ELMO1: variants seen among roughly 807,000 people sequenced by gnomAD.
The protein encoded by ELMO1 is engulfment and cell motility 1, also known as engulfment and cell motility protein 1.
A neutral mutation model predicts 98.9 loss-of-function variants in ELMO1; 26 were observed. That is an observed-to-expected ratio of 0.26 (90% CI 0.19 to 0.36). The LOEUF is 0.36. Ranked by LOEUF, ELMO1 falls within the 10% of genes least tolerant of loss-of-function variation. The pLI is 1.00. For missense variants in ELMO1, 627 were observed against 935.2 expected (o/e 0.67, Z 4.30); for synonymous variants, 346 against 346.0 (o/e 1.00, Z 0.00).
At chr7:37,181,896 T>C (rs1790884611) in intron 13 of ELMO1, among the ~76,000 whole-genome samples, 2 of 152,206 alleles carry the variant, frequency 1.3e-5, no homozygotes, top group Non-Finnish European at 2.9e-5. Flanking sequence ...AAATAGTTAT[T>C]TTCTCAGTAG....
intron 2 of ELMO1, among the ~76,000 whole-genome samples, chr7:37,335,953 T>G (rs1800381447): frequency 6.6e-6 from 1 of 152,050 alleles, no homozygotes. Context: ...CAGGGCACTG[T>G]GGTGGTTCAT....
chr7:37,354,575 A>G (rs1350762813), intron 1 of ELMO1, among the ~76,000 whole-genome samples: 2 of 152,222 alleles, frequency 1.3e-5, no homozygotes, highest in East Asian at 3.8e-4. Context: ...TTTCAACTGG[A>G]AAGTTCATCA....
chr7:36,926,608 T>C (rs1313436156), intron 16 of ELMO1, among the ~76,000 whole-genome samples: 2 of 152,098 alleles, frequency 1.3e-5, no homozygotes, highest in Admixed American at 1.3e-4. Context: ...CCTTTTCCCC[T>C]TAGTGTGAGG....
chr7:37,134,628 C>T (rs963106845), intron 13 of ELMO1, among the ~76,000 whole-genome samples: 57 of 151,290 alleles, frequency 3.8e-4, no homozygotes, highest in African/African-American at 1.3e-3. Flanking sequence ...TATTGCAGTA[C>T]TATTCACAAT....
At chr7:37,127,758 C>T (rs1432893003) in intron 14 of ELMO1, among the ~76,000 whole-genome samples, 1 of 152,142 alleles carries the variant, frequency 6.6e-6, no homozygotes, top group Non-Finnish European at 1.5e-5. Flanking sequence ...TTTGAGAGAG[C>T]CCTAGGTTTC....
chr7:37,172,193 T>C (rs561296053), intron 13 of ELMO1, among the ~76,000 whole-genome samples: 16 of 152,238 alleles, frequency 1.1e-4, no homozygotes, highest in Admixed American at 4.6e-4. Flanking sequence ...GAGTTTTAAT[T>C]TTAGATGGCT....
intron 11 of ELMO1, among the ~76,000 whole-genome samples, chr7:37,213,976 C>A (rs1426577856): frequency 6.6e-6 from 1 of 152,194 alleles, no homozygotes; most frequent in Non-Finnish European, 1.5e-5. Flanking sequence ...GGGAGCTACA[C>A]AAGGATGTCT....
At chr7:37,423,335 T>C (rs890288706) in intron 1 of ELMO1, among the ~76,000 whole-genome samples, 2 of 152,176 alleles carry the variant, frequency 1.3e-5, no homozygotes, top group South Asian at 4.1e-4. Context: ...ACCCCAGCAA[T>C]TTGGGAGGCC....
intron 15 of ELMO1, among the ~76,000 whole-genome samples, chr7:37,057,901 T>C (rs753515704): frequency 2.0e-5 from 3 of 152,270 alleles, no homozygotes; most frequent in Non-Finnish European, 4.4e-5. Context: ...CTTCCTATTG[T>C]GTCAGCTAAC....
intron 16 of ELMO1, among the ~76,000 whole-genome samples, chr7:36,913,201 C>T (rs1487611674): frequency 6.6e-6 from 1 of 152,150 alleles, no homozygotes; most frequent in African/African-American, 2.4e-5. Flanking sequence ...CTGGGTTCCT[C>T]AAGGGAAACC....
intron 16 of ELMO1, among the ~76,000 whole-genome samples, chr7:36,907,458 G>A (rs1046918878): frequency 6.6e-6 from 1 of 152,194 alleles, no homozygotes; most frequent in Non-Finnish European, 1.5e-5. Context: ...ACCCACCACA[G>A]CTACAAAACT....
At chr7:37,239,150 G>A (rs1459454269) in intron 7 of ELMO1, among the ~76,000 whole-genome samples, 3 of 151,574 alleles carry the variant, frequency 2.0e-5, no homozygotes, top group Non-Finnish European at 2.9e-5. Flanking sequence ...TTGTATGAAG[G>A]TTTTCGAGAA....
chr7:37,087,748 C>T (rs1010550768), intron 15 of ELMO1, among the ~76,000 whole-genome samples: 1 of 151,958 alleles, frequency 6.6e-6, no homozygotes, highest in Non-Finnish European at 1.5e-5. Flanking sequence ...GTGGTTTTTA[C>T]CATTTATCAT....
intron 16 of ELMO1, among the ~76,000 whole-genome samples, chr7:36,959,805 C>T (rs1157403258): frequency 6.6e-6 from 1 of 152,140 alleles, no homozygotes; most frequent in Non-Finnish European, 1.5e-5. Context: ...CTCAGCCTCC[C>T]GAGTAGCTGG....
At chr7:37,190,096 C>T (rs888063636) in intron 13 of ELMO1, among the ~76,000 whole-genome samples, 7 of 146,398 alleles carry the variant, frequency 4.8e-5, no homozygotes, top group Admixed American at 1.4e-4. Context: ...TTATACTGAA[C>T]GAAAGAACAG....
intron 1 of ELMO1, among the ~76,000 whole-genome samples, chr7:37,427,323 C>T (rs1804750805): frequency 6.6e-6 from 1 of 152,160 alleles, no homozygotes; most frequent in Admixed American, 6.5e-5. Context: ...AATTCTAAAA[C>T]TAAAATTCAC....
At position 37,049,560 on chromosome 7, in the gene ELMO1, A is replaced by G. The variant is rs1795987869; in HGVS notation, c.1301-36125T>C. ...GTATCCTTCTCTCTAGGACAACTAGATAAACCAGAGGCTCAGGTCAGAGCC... is the reference window on the plus strand; with the variant it reads ...GTATCCTTCTCTCTAGGACAACTAGGTAAACCAGAGGCTCAGGTCAGAGCC... On this transcript the variant is annotated intron_variant, in intron 15 of 21. Transcript: ENST00000310758. Among the ~76,000 whole-genome samples, 3 of 151,994 alleles carry G rather than the reference A, an allele frequency of 2.0e-5. No homozygotes were observed. In the South Asian group the frequency reaches 6.2e-4, roughly 31 times the overall value.
chr7:37,040,567 C>T (rs1396202307), intron 15 of ELMO1, among the ~76,000 whole-genome samples: 1 of 152,218 alleles, frequency 6.6e-6, no homozygotes, highest in African/African-American at 2.4e-5. Context: ...CACTCCTCCC[C>T]AGTGTACGGC....
Position 37,213,407 on chromosome 7 carries a change from C to G in ELMO1, c.882G>C (p.Leu294=). The change falls in exon 12 of 22, where the codon CTG becomes CTC. Residue 294 remains leucine (L), a synonymous_variant. Coordinates refer to ENST00000310758, the MANE Select transcript of ELMO1 (RefSeq NM_014800.11). ...RAINNEMAHQ[L]YVLQVLTFNL... ...TAAAGGTGAGCACTTGTAGAACATA[C>G]AGCTGGTGCGCCATCTCATTGTTGA... The G allele has an allele frequency of 6.2e-7, 1 of 1,612,600 alleles. No individual in the cohort carries two copies. The highest frequency in any genetic ancestry group is 8.5e-7 in the Non-Finnish European group (1 of 1,179,770).
Sources: gnomAD v4.1 joint callset for allele counts (sites outside exome capture counted in the v4.1 genomes callset) on GRCh38, gnomAD v4.1.1 for gene constraint, MANE v1.5 for transcripts, NCBI Gene and HGNC (gene_info 2026-07-23, HGNC 2026-07-21) for gene names.